The following AGRN variants were observed in gnomAD, a reference collection of about 807,000 sequenced individuals.
The protein encoded by AGRN is agrin proteoglycan.
A neutral mutation model predicts 211.0 loss-of-function variants in AGRN; 106 were observed. The ratio of observed to expected loss-of-function variants is 0.50; its 90% CI spans 0.43 to 0.59. AGRN has a LOEUF of 0.59. AGRN is among the 20% of genes least tolerant of loss of function. AGRN has a pLI of 0.00. For missense variants in AGRN, 3,040 were observed against 2,982.6 expected (o/e 1.02, Z -0.45); for synonymous variants, 1,525 against 1,332.5 (o/e 1.14, Z -3.15).
chr1:1,050,995 T>C, intron 30 of AGRN, 158 bp downstream of exon 30: 1 of 1,550,290 alleles, frequency 6.5e-7, no homozygotes. Flanking sequence ...TGCTCTCTGC[T>C]CTCGCTCTGC....
At position 1,049,779 on chromosome 1, in the gene AGRN, C is replaced by T. The variant is rs931498089; in HGVS notation, c.4728C>T (p.Cys1576=). 4.4e-6 allele frequency: 7 copies of T among 1,591,486 alleles called. No homozygotes were observed. Among genetic ancestry groups the T allele is most frequent in the Non-Finnish European group, 6.0e-6 (7 of 1,170,140 alleles). The change falls in exon 26 of 36, where the codon TGC becomes TGT. Residue 1576 remains cysteine, a synonymous_variant. Coordinates refer to ENST00000379370, the MANE Select transcript of AGRN (RefSeq NM_198576.4). The stretch of plus-strand genomic sequence containing the variant: ...AGGCTGGAAGGTTCCATTGCCAGTG[C>T]CCGCCCGGCCGCGTCGGTGAGGGTG... The part of the protein sequence containing the change: ...NLEAGRFHCQ[C]PPGRVGPTCA...
chr1:1,047,552 C>T (rs1356742958), intron 20 of AGRN, 21 bp from the exon 21 acceptor site: 1 of 1,612,588 alleles, frequency 6.2e-7, no homozygotes, highest in Admixed American at 1.7e-5. Flanking sequence ...CCCCCAAGTC[C>T]TTGCCTACTC....
In AGRN at chr1:1,046,923, G is replaced by C. The variant is rs774878358; in HGVS notation, c.3354G>C (p.Thr1118=). Residue 1118 remains threonine (T), a synonymous_variant, in exon 19 of 36, where the codon ACG becomes ACC. Transcript: ENST00000379370. ...TGGGCTGCTGCTCTGATGGGAAGAC[G>C]CCCTCGCTGGACGCAGAGGGCTCCA... ...SALGCCSDGK[T]PSLDAEGSNC... 1 of 1,578,848 alleles carries C rather than the reference G, an allele frequency of 6.3e-7. No homozygotes were observed. Among genetic ancestry groups the C allele is most frequent in the Non-Finnish European group, 8.6e-7 (1 of 1,163,346 alleles).
Position 1,048,296 on chromosome 1 carries a change from G to A in AGRN, c.4036G>A (p.Asp1346Asn). ...QPCFHGGTCQ[D>N]WALGGGFTCS... ...CTGCTTCCACGGGGGGACCTGCCAG[G>A]ACTGGGCATTGGGCGGGGGCTTCAC... Residue 1346 changes from aspartate (D) to asparagine (N), a missense_variant, in exon 23 of 36, where the codon GAC becomes AAC. Around this residue, in one of 3 missense-constraint regions of AGRN, gnomAD observed 1,537 missense variants for 1,505.0 expected, o/e 1.02. Coordinates refer to ENST00000379370, the MANE Select transcript of AGRN (RefSeq NM_198576.4). The surrounding 1 kb of genome is among the most constrained non-coding windows in gnomAD (Gnocchi z 5.9). The A allele has an allele frequency of 6.6e-7, 1 of 1,510,926 alleles. No individual in the cohort carries two copies. The highest frequency in any genetic ancestry group is 2.4e-5 in the East Asian group (1 of 41,456). The allele number at this position is 1,510,926 out of a possible 1,614,324, so 93.6% of individuals were successfully genotyped here.
chr1:1,055,500 C>T lies in AGRN; in HGVS notation c.*519C>T. The T allele has an allele frequency of 4.5e-6, 1 of 223,730 alleles. No homozygotes were observed. Among genetic ancestry groups the T allele is most frequent in the South Asian group, 6.5e-5 (1 of 15,272 alleles). 13.9% of individuals were successfully genotyped at this position (223,730 alleles called of 1,614,324 possible). On this transcript the variant is annotated 3_prime_UTR_variant, in exon 36 of 36. Coordinates refer to ENST00000379370, the MANE Select transcript of AGRN (RefSeq NM_198576.4). ...CTGCTGGGCACAGCTCTGCGTTGCT[C>T]CCGTGCTGCCTGCGCCAGCCCCAGG...
intron 2 of AGRN, among the ~76,000 whole-genome samples, chr1:1,028,532 A>G (rs4255327): frequency 0.02 from 1,677 of 84,080 alleles, 22 homozygotes; most frequent in African/African-American, 0.061. Context: ...CCAGCCCCTC[A>G]TGGGCCAAGG....
Position 1,048,850 on chromosome 1 carries a change from C to G in AGRN, c.4106-17C>G. ...CTCGGAGCTTTTCCAGCCGGCCCTC[C>G]CGGTCGCCCTTTGCAGTGCTTGGCG... is the stretch of plus-strand genomic sequence containing the variant. On this transcript the variant is annotated splice_polypyrimidine_tract_variant and intron_variant, in intron 23 of 35. Coordinates refer to ENST00000379370, the MANE Select transcript of AGRN (RefSeq NM_198576.4). The surrounding 1 kb of genome is among the most constrained non-coding windows in gnomAD (Gnocchi z 5.9). The G allele has an allele frequency of 6.6e-7, 1 of 1,525,528 alleles. No individual in the cohort carries two copies. The highest frequency in any genetic ancestry group is 8.8e-7 in the Non-Finnish European group (1 of 1,136,854). 94.5% of individuals were successfully genotyped at this position (1,525,528 alleles called of 1,614,324 possible). A position where few individuals can be genotyped will look rare whatever the true frequency, so the allele number is the denominator to read the frequency against.
chr1:1,049,020 TC>T lies in AGRN; in HGVS notation c.4261del (p.Leu1421TrpfsTer6), dbSNP rs1645187199. The T allele has an allele frequency of 6.3e-7, 1 of 1,575,982 alleles. No homozygotes were observed. Among genetic ancestry groups the T allele is most frequent in the Non-Finnish European group, 8.6e-7 (1 of 1,163,912 alleles). On this transcript the variant is annotated frameshift_variant, in exon 24 of 36. Coordinates refer to ENST00000379370, the MANE Select transcript of AGRN (RefSeq NM_198576.4). LOFTEE classifies it high-confidence loss of function. ...AATGGCAACGCCCGGGGCAAGGACT[TC>T]CTGGCATTGGCGCTGCTAGATGGCC... ...LYNGNARGKD[F>X]LALALLDGRV...
intron 2 of AGRN, among the ~76,000 whole-genome samples, chr1:1,027,033 C>G (rs1163889522): frequency 1.3e-5 from 2 of 151,614 alleles, no homozygotes; most frequent in South Asian, 2.1e-4. Context: ...AGGGGCCTCT[C>G]CCCCCAGCAC....
At chr1:1,030,291 TGA>T (rs1644634094) in intron 2 of AGRN, among the ~76,000 whole-genome samples, 1 of 115,354 alleles carries the variant, frequency 8.7e-6, no homozygotes, top group Non-Finnish European at 1.7e-5. Flanking sequence ...TGGTGCTGTG[TGA>T]GATCAGCATG....
In AGRN at chr1:1,048,189, C is replaced by A; in HGVS notation, c.3929C>A (p.Pro1310His). The change falls in exon 23 of 36, where the codon CCC becomes CAC. Residue 1310 changes from proline (P) to histidine (H), a missense_variant. This residue lies in a region of AGRN where 1,537 missense variants were observed against 1,505.0 expected (regional missense o/e 1.02). Coordinates refer to ENST00000379370, the MANE Select transcript of AGRN (RefSeq NM_198576.4). This position sits in a 1 kb window ranked among gnomAD's most constrained non-coding sequence, Gnocchi z 5.9. ...KTTAAPTTRR[P>H]PTTAPSRVPG... is the part of the protein sequence containing the mutation. ...ACGGCAGCCCCCACCACACGTCGGCCCCCCACCACTGCCCCCAGCCGTGTG... is the reference window on the plus strand; with the variant it reads ...ACGGCAGCCCCCACCACACGTCGGCACCCCACCACTGCCCCCAGCCGTGTG... 1 of 1,569,278 alleles carries A rather than the reference C, an allele frequency of 6.4e-7. No homozygotes were observed. The highest frequency in any genetic ancestry group is 1.8e-5 in the Admixed American group (1 of 56,306).
chr1:1,043,566 C>T lies in AGRN; in HGVS notation c.1632C>T (p.Ala544=), dbSNP rs202062965. 6.2e-7 allele frequency: 1 copy of T among 1,605,136 alleles called. No individual in the cohort carries two copies. Among genetic ancestry groups the T allele is most frequent in the Non-Finnish European group, 8.5e-7 (1 of 1,179,796 alleles). Residue 544 remains alanine (A), a synonymous_variant, in exon 9 of 36, where the codon GCC becomes GCT. Coordinates refer to ENST00000379370, the MANE Select transcript of AGRN (RefSeq NM_198576.4). ...GCTGCGGGCAGTGCCGCTTTGGAGCCCTGTGCGAGGCCGAGACCGGGCGCT... is the reference window on the plus strand; with the variant it reads ...GCTGCGGGCAGTGCCGCTTTGGAGCTCTGTGCGAGGCCGAGACCGGGCGCT... The part of the protein sequence containing the change: ...CDRCGQCRFG[A]LCEAETGRCV...
chr1:1,034,882 G>A, intron 2 of AGRN: 1 of 367,294 alleles, frequency 2.7e-6, no homozygotes, highest in Non-Finnish European at 4.7e-6. Flanking sequence ...AGTGGGCCTG[G>A]CCCTCACCCA....
intron 1 of AGRN, among the ~76,000 whole-genome samples, chr1:1,021,740 G>C (rs3121553): frequency 0.3 from 45,712 of 152,178 alleles, 7,302 homozygotes; most frequent in Non-Finnish European, 0.35. Flanking sequence ...GTAGAAGCCC[G>C]AGGAAGGGGC....
Position 1,041,343 on chromosome 1 carries a change from C to T in AGRN, c.898C>T (p.Arg300Cys). The change falls in exon 5 of 36, where the codon CGC (arginine) becomes TGC (cysteine). Residue 300 changes from arginine (R) to cysteine (C), a missense_variant. Coordinates refer to ENST00000379370, the MANE Select transcript of AGRN (RefSeq NM_198576.4). Reference sequence around the variant, plus strand: ...CTACCCCGGCGAGTGCCAGCTCCTGCGCCGCGCCTGCGCCCGCCAGGAGAA... The same window carrying T: ...CTACCCCGGCGAGTGCCAGCTCCTGTGCCGCGCCTGCGCCCGCCAGGAGAA... ...ADYPGECQLLRRACARQENVF... is the reference protein window; with the variant it reads ...ADYPGECQLLCRACARQENVF... 6.5e-7 allele frequency: 1 copy of T among 1,529,838 alleles called. No individual in the cohort carries two copies. Among genetic ancestry groups the T allele is most frequent in the Non-Finnish European group, 8.7e-7 (1 of 1,144,928 alleles). The allele number at this position is 1,529,838 out of a possible 1,614,324, so 94.8% of individuals were successfully genotyped here.
chr1:1,034,395 G>A, intron 2 of AGRN: 1 of 985,586 alleles, frequency 1.0e-6, no homozygotes, highest in Non-Finnish European at 1.2e-6. Context: ...GCCGGGACCT[G>A]GCACCCCCAG....
Position 1,048,767 on chromosome 1 carries a change from CAAAAAAAAAAAA to C in AGRN, c.4106-89_4106-78del, listed in dbSNP as rs57668569. On this transcript the variant is annotated intron_variant, in intron 23 of 35. Transcript: ENST00000379370. The surrounding 1 kb of genome is among the most constrained non-coding windows in gnomAD (Gnocchi z 5.9). ...GGGCAAAAAGAGCAAAACTCCGTCT[CAAAAAAAAAAAA>C]AAAAAAAAAAGCAGGGGGCGGTTTC... The C allele has an allele frequency of 0.017, 17,288 of 1,032,612 alleles. 5 individuals carry two copies. The highest frequency in any genetic ancestry group is 0.032 in the East Asian group (947 of 29,230). The allele number at this position is 1,032,612 out of a possible 1,614,324, so 64.0% of individuals were successfully genotyped here. A position where few individuals can be genotyped will look rare whatever the true frequency, so the allele number is the denominator to read the frequency against.
At chr1:1,028,411 G>A (rs998346303) in intron 2 of AGRN, among the ~76,000 whole-genome samples, 3 of 151,384 alleles carry the variant, frequency 2.0e-5, no homozygotes, top group African/African-American at 7.3e-5. Flanking sequence ...TGGGGTTGGG[G>A]GCACCGAGCG....
intron 2 of AGRN, among the ~76,000 whole-genome samples, chr1:1,027,808 G>A (rs964119462): frequency 1.3e-5 from 2 of 152,274 alleles, no homozygotes; most frequent in South Asian, 4.2e-4. Context: ...GGGGTCTGTC[G>A]CTGGCCTGAG....
Sources: allele counts gnomAD v4.1 joint callset (sites outside exome capture counted in the v4.1 genomes callset), GRCh38; gene constraint gnomAD v4.1.1; regional missense constraint gnomAD v4.1.1; non-coding constraint Gnocchi (gnomAD v3.1); transcripts MANE v1.5; gene names NCBI Gene and HGNC (gene_info 2026-07-23, HGNC 2026-07-21).